The following CTNNA2 variants were observed in gnomAD, a reference collection of about 807,000 sequenced individuals.
CTNNA2 encodes catenin alpha 2, also known as catenin alpha-2.
Under a neutral mutation model 101.0 loss-of-function variants are expected in CTNNA2, and 42 were observed. The observed-to-expected ratio is 0.42, with a 90% CI of 0.32 to 0.54. The LOEUF (loss-of-function observed/expected upper bound fraction) is 0.54. Ranked by LOEUF, CTNNA2 falls within the 20% of genes least tolerant of loss-of-function variation. CTNNA2 has a pLI of 0.14. For synonymous variants in CTNNA2, 450 were observed against 456.4 expected (o/e 0.99, Z 0.18); for missense variants, 871 against 1,223.1 (o/e 0.71, Z 4.29).
chr2:79,586,706 A>T (rs1209617444), intron 1 of CTNNA2, among the ~76,000 whole-genome samples: 1 of 152,048 alleles, frequency 6.6e-6, no homozygotes, highest in Non-Finnish European at 1.5e-5. Flanking sequence ...TTTGGGAGAC[A>T]GGTGGTTTTT....
intron 11 of CTNNA2, among the ~76,000 whole-genome samples, chr2:80,553,831 G>C (rs577372941): frequency 1.3e-4 from 20 of 152,236 alleles, no homozygotes; most frequent in African/African-American, 4.8e-4. Context: ...ATATTCATTT[G>C]AGTAAACATT....
At chr2:79,245,464 T>C (rs1361525666) in intron 2 of CTNNA2, among the ~76,000 whole-genome samples, 1 of 152,116 alleles carries the variant, frequency 6.6e-6, no homozygotes, top group African/African-American at 2.4e-5. Context: ...AATAAAGGAA[T>C]GAATAAGATA....
intron 7 of CTNNA2, among the ~76,000 whole-genome samples, chr2:80,255,150 G>A (rs1672048171): frequency 6.6e-6 from 1 of 152,134 alleles, no homozygotes; most frequent in South Asian, 2.1e-4. Context: ...CTGTGTTTGA[G>A]CAAATTGATT....
At chr2:80,614,301 C>T (rs964153618) in intron 17 of CTNNA2, among the ~76,000 whole-genome samples, 1 of 151,194 alleles carries the variant, frequency 6.6e-6, no homozygotes, top group South Asian at 2.1e-4. Flanking sequence ...ATAAAAGTAA[C>T]AATACAGCAA....
intron 9 of CTNNA2, among the ~76,000 whole-genome samples, chr2:80,468,700 G>A (rs955001660): frequency 2.6e-5 from 4 of 152,190 alleles, no homozygotes; most frequent in Admixed American, 6.5e-5. Context: ...ACAGGTGTGA[G>A]CCACTGTGCC....
At chr2:79,652,441 C>T (rs1016893684) in intron 2 of CTNNA2, among the ~76,000 whole-genome samples, 7 of 152,094 alleles carry the variant, frequency 4.6e-5, no homozygotes, top group Non-Finnish European at 1.5e-5. Flanking sequence ...TTCCCATCTT[C>T]TAGAAACCAC....
intron 3 of CTNNA2, among the ~76,000 whole-genome samples, chr2:79,363,947 T>A (rs927468002): frequency 6.6e-6 from 1 of 152,172 alleles, no homozygotes; most frequent in Non-Finnish European, 1.5e-5. Flanking sequence ...AATAGCTAAC[T>A]CCTGATTGGT....
rs774282530 is a variant in CTNNA2, at chr2:80,604,198, G to T, written c.2295+19G>T. On this transcript the variant is annotated intron_variant, in intron 16 of 18. Transcript: ENST00000402739. ...TGATCAGGTAATAGAAGAGGGAAGGGTGGGCACATGCTGAGTGGAGTCACT... is the reference window on the plus strand; with the variant it reads ...TGATCAGGTAATAGAAGAGGGAAGGTTGGGCACATGCTGAGTGGAGTCACT... 25 of 1,597,340 alleles carry T rather than the reference G, an allele frequency of 1.6e-5. No homozygotes were observed. Among genetic ancestry groups the T allele is most frequent in the Non-Finnish European group, 2.1e-5 (24 of 1,166,646 alleles).
intron 7 of CTNNA2, among the ~76,000 whole-genome samples, chr2:80,325,590 A>G (rs1303374191): frequency 2.6e-5 from 4 of 152,196 alleles, no homozygotes; most frequent in Non-Finnish European, 5.9e-5. Flanking sequence ...AATCTTGTTT[A>G]AATAACTGCC....
At chr2:79,411,216 G>C (rs1449323829) in intron 4 of CTNNA2, among the ~76,000 whole-genome samples, 2 of 151,528 alleles carry the variant, frequency 1.3e-5, no homozygotes, top group Non-Finnish European at 2.9e-5. Context: ...TCTTGCTAGC[G>C]GTCTATCAAT....
chr2:79,813,599 C>T (rs975095818), intron 3 of CTNNA2, among the ~76,000 whole-genome samples: 7 of 151,968 alleles, frequency 4.6e-5, no homozygotes, highest in African/African-American at 1.7e-4. Context: ...TTCAAGTAGA[C>T]GTAAAGTTCT....
intron 9 of CTNNA2, among the ~76,000 whole-genome samples, chr2:80,456,706 A>C (rs1201765445): frequency 6.6e-6 from 1 of 152,114 alleles, no homozygotes; most frequent in Non-Finnish European, 1.5e-5. Context: ...ATACACTTCG[A>C]GTTTCAGTTT....
intron 7 of CTNNA2, among the ~76,000 whole-genome samples, chr2:80,152,252 G>A (rs542246880): frequency 1.3e-5 from 2 of 152,104 alleles, no homozygotes; most frequent in African/African-American, 4.8e-5. Flanking sequence ...ACCTCTAAGT[G>A]GATGGAATAG....
rs572069972 is a variant in CTNNA2 at position 79,457,297 on chromosome 2, G to A, written c.-134-47757G>A. 4.6e-5 allele frequency among the ~76,000 whole-genome samples: 7 copies of A among 151,900 alleles called. 1 individual carries two copies. In the South Asian group the frequency reaches 1.5e-3, roughly 32 times the overall value. On this transcript the variant is annotated intron_variant, in intron 4 of 21. Coordinates refer to the CTNNA2 transcript ENST00000466387. ...TATTAAAATTTGGTGAGGAATAGAA[G>A]AGCTACCATGAAATTTTCCCTTTCC...
At chr2:80,270,773 A>C (rs1573560366) in intron 7 of CTNNA2, among the ~76,000 whole-genome samples, 1 of 152,242 alleles carries the variant, frequency 6.6e-6, no homozygotes, top group East Asian at 1.9e-4. Flanking sequence ...AGATTTTTAA[A>C]GAAAATATAA....
At chr2:79,313,941 G>C (rs1051306690) in intron 3 of CTNNA2, among the ~76,000 whole-genome samples, 1 of 152,108 alleles carries the variant, frequency 6.6e-6, no homozygotes, top group Admixed American at 6.5e-5. Context: ...CAAATGCAGC[G>C]CTTGTTCAGA....
intron 3 of CTNNA2, among the ~76,000 whole-genome samples, chr2:79,756,936 G>A (rs1672440821): frequency 6.6e-6 from 1 of 152,128 alleles, no homozygotes. Flanking sequence ...GGTGATATGT[G>A]GAGCAACAGG....
At chr2:80,000,235 G>A (rs959690487) in intron 7 of CTNNA2, among the ~76,000 whole-genome samples, 1 of 152,246 alleles carries the variant, frequency 6.6e-6, no homozygotes, top group South Asian at 2.1e-4. Flanking sequence ...GATGATTTCT[G>A]TGCTATCATA....
chr2:80,367,007 ATT>A (rs3040569), intron 7 of CTNNA2, among the ~76,000 whole-genome samples: 15,525 of 142,434 alleles, frequency 0.11, 2,297 homozygotes, highest in African/African-American at 0.34. Flanking sequence ...AAATGGTTGC[ATT>A]TTTTTTTTTT....
Sources: allele counts gnomAD v4.1 joint callset (sites outside exome capture counted in the v4.1 genomes callset), GRCh38; gene constraint gnomAD v4.1.1; transcripts MANE v1.5; gene names NCBI Gene and HGNC (gene_info 2026-07-23, HGNC 2026-07-21).